Variants in NAV2 observed in about 807,000 individuals in gnomAD.
NAV2 encodes helicase, APC down-regulated 1.
In NAV2, 54 loss-of-function variants were observed where a neutral mutation model predicts 223.2. The ratio of observed to expected loss-of-function variants is 0.24; its 90% CI spans 0.19 to 0.30. The LOEUF is 0.30. Among genes scored for constraint, NAV2 ranks in the 10% least tolerant of loss-of-function variants. The pLI, the probability that NAV2 is intolerant of heterozygous loss-of-function variation, is 1.00. For synonymous variants in NAV2, 1,279 were observed against 1,239.3 expected, an observed-to-expected ratio of 1.03 and a Z score of -0.67; for missense variants, 2,806 against 3,147.5, an observed-to-expected ratio of 0.89 and a Z score of 2.60.
intron 1 of NAV2, among the ~76,000 whole-genome samples, chr11:19,626,618 T>C (rs541034735): frequency 8.9e-4 from 135 of 152,250 alleles, no homozygotes; most frequent in African/African-American, 3.2e-3. Flanking sequence ...CTGCTTTGGG[T>C]AGTATTGTCA....
intron 1 of NAV2, among the ~76,000 whole-genome samples, chr11:19,565,296 G>A (rs1487196): frequency 0.065 from 9,820 of 152,154 alleles, 643 homozygotes; most frequent in African/African-American, 0.16. Context: ...TTCCTACTCC[G>A]CACTGCCTCG....
chr11:19,860,127 G>A (rs1417591069), intron 3 of NAV2, among the ~76,000 whole-genome samples: 3 of 134,120 alleles, frequency 2.2e-5, no homozygotes, highest in South Asian at 2.5e-4. Context: ...CCGGGCAGAG[G>A]CGCCCCTCAC....
intron 1 of NAV2, among the ~76,000 whole-genome samples, chr11:19,779,718 T>C (rs548430912): frequency 6.6e-6 from 1 of 152,332 alleles, no homozygotes; most frequent in Admixed American, 6.5e-5. Flanking sequence ...AGCATGTTTG[T>C]CTGTTAAATG....
intron 32 of NAV2, 31 bp from the exon 33 acceptor site, chr11:20,103,224 T>C: frequency 6.3e-7 from 1 of 1,593,742 alleles, no homozygotes; most frequent in South Asian, 1.2e-5. Flanking sequence ...TTCACCCACT[T>C]GTTCTCCTTC....
Position 19,939,578 on chromosome 11 carries a change from G to A in NAV2, c.2034-83G>A. Reference sequence around the variant, plus strand: ...GCTTCTTGCTACAGGAGGTGATGGTGAGGGCTGTGGTTAGACCACAGTGGT... The same window carrying A: ...GCTTCTTGCTACAGGAGGTGATGGTAAGGGCTGTGGTTAGACCACAGTGGT... On this transcript the variant is annotated intron_variant, in intron 7 of 37. Transcript: ENST00000349880. The A allele has an allele frequency of 3.1e-6, 3 of 975,534 alleles. No individual in the cohort carries two copies. In the South Asian group the frequency reaches 4.4e-5, roughly 14 times the overall value. 60.4% of individuals were successfully genotyped at this position (975,534 alleles called of 1,614,324 possible).
At chr11:19,421,724 C>T (rs1040194812) in intron 1 of NAV2, among the ~76,000 whole-genome samples, 1 of 141,122 alleles carries the variant, frequency 7.1e-6, no homozygotes, top group East Asian at 2.2e-4. Context: ...ATTCCTAACA[C>T]TGATGACTTG....
intron 6 of NAV2, among the ~76,000 whole-genome samples, chr11:19,917,244 A>G (rs1183242983): frequency 6.6e-6 from 1 of 152,198 alleles, no homozygotes; most frequent in Non-Finnish European, 1.5e-5. Flanking sequence ...CTCCACTCCC[A>G]CATTCTGAAC....
intron 1 of NAV2, among the ~76,000 whole-genome samples, chr11:19,748,166 A>T (rs11025237): frequency 6.6e-6 from 1 of 152,012 alleles, no homozygotes; most frequent in Admixed American, 6.5e-5. Context: ...AGCAAGTCAC[A>T]GTCAATTCTC....
intron 1 of NAV2, among the ~76,000 whole-genome samples, chr11:19,543,033 G>C (rs1296156527): frequency 1.3e-5 from 2 of 152,224 alleles, no homozygotes; most frequent in African/African-American, 2.4e-5. Context: ...TGCCTGATTA[G>C]AGAAAGTTTA....
chr11:19,744,926 A>G (rs937336566), intron 1 of NAV2, among the ~76,000 whole-genome samples: 2 of 152,204 alleles, frequency 1.3e-5, no homozygotes, highest in African/African-American at 4.8e-5. Context: ...CGTCATGAAC[A>G]ATGTGCTGAT....
rs1185578228 is a variant in NAV2, at chr11:19,879,029, C to T, written c.512-840C>T. On this transcript the variant is annotated intron_variant, in intron 4 of 37. Coordinates refer to ENST00000349880, the MANE Select transcript of NAV2 (RefSeq NM_145117.5). ...TTCCCTTTCCTCTGTCCCTCACGCT[C>T]AGTAGCCCCAGAACTTCACTCTCAG... 1.2e-4 allele frequency among the ~76,000 whole-genome samples: 19 copies of T among 152,162 alleles called. 1 individual carries two copies. The highest frequency in any genetic ancestry group is 1.2e-3 in the Admixed American group (19 of 15,274).
rs574532768 is a variant in NAV2 at position 19,950,894 on chromosome 11, A to G, written c.2645+1814A>G. Among the ~76,000 whole-genome samples, 115 of 152,108 alleles carry G rather than the reference A, an allele frequency of 7.6e-4. 1 individual carries two copies. The highest frequency in any genetic ancestry group is 1.2e-3 in the Non-Finnish European group (85 of 68,036). ...CAGCTGTGTAGAAATATGATTGGGCAAAAAAGGTATGATCTAATGCTAGCA... is the reference window on the plus strand; with the variant it reads ...CAGCTGTGTAGAAATATGATTGGGCGAAAAAGGTATGATCTAATGCTAGCA... On this transcript the variant is annotated intron_variant, in intron 10 of 37. Transcript: ENST00000349880.
chr11:20,118,192 C>G lies in NAV2; in HGVS notation c.7224C>G (p.Asp2408Glu), dbSNP rs2063292346. 1 of 1,614,078 alleles carries G rather than the reference C, an allele frequency of 6.2e-7. No individual in the cohort carries two copies. Among genetic ancestry groups the G allele is most frequent in the East Asian group, 2.2e-5 (1 of 44,876 alleles). The change falls in exon 38 of 38, where the codon GAC becomes GAG. Residue 2408 changes from aspartate to glutamate, a missense_variant. By Grantham distance (45) the Asp-to-Glu change is conservative (BLOSUM62 2). Transcript: ENST00000349880. ...AANYSSPQSY[D>E]SDSNSNSHHD... is the part of the protein sequence containing the mutation. ...ACTACTCCAGCCCCCAGAGCTATGACAGCGACTCCAACAGCAACAGCCATC... is the reference window on the plus strand; with the variant it reads ...ACTACTCCAGCCCCCAGAGCTATGAGAGCGACTCCAACAGCAACAGCCATC...
At chr11:19,627,185 C>T (rs1190712902) in intron 1 of NAV2, among the ~76,000 whole-genome samples, 2 of 152,052 alleles carry the variant, frequency 1.3e-5, no homozygotes, top group African/African-American at 4.8e-5. Flanking sequence ...GTCAGGAGTT[C>T]GAGACCAGCC....
chr11:19,755,111 G>A (rs2054131325), intron 1 of NAV2, among the ~76,000 whole-genome samples: 1 of 152,192 alleles, frequency 6.6e-6, no homozygotes, highest in Non-Finnish European at 1.5e-5. Context: ...TGATTTAGCT[G>A]TACTTTCCAA....
intron 10 of NAV2, among the ~76,000 whole-genome samples, chr11:19,966,224 G>A (rs2048758855): frequency 1.3e-5 from 2 of 152,234 alleles, no homozygotes; most frequent in African/African-American, 2.4e-5. Flanking sequence ...CACCTTGCAT[G>A]TGGGATCCAG....
chr11:19,371,799 T>A (rs1327271251), intron 1 of NAV2, among the ~76,000 whole-genome samples: 1 of 135,950 alleles, frequency 7.4e-6, no homozygotes, highest in East Asian at 2.3e-4. Flanking sequence ...TGAGATGGAG[T>A]CTCACTCTGT....
intron 36 of NAV2, among the ~76,000 whole-genome samples, chr11:20,108,492 G>T (rs1336746776): frequency 6.6e-6 from 1 of 152,014 alleles, no homozygotes; most frequent in African/African-American, 2.4e-5. Flanking sequence ...ACCCAGACTG[G>T]AGTACAGTGG....
intron 29 of NAV2, among the ~76,000 whole-genome samples, chr11:20,093,410 G>A (rs529204686): frequency 4.6e-5 from 7 of 152,134 alleles, no homozygotes; most frequent in Non-Finnish European, 1.0e-4. Context: ...GTGCTTGAAA[G>A]TCTAATAAAG....
Sources: gnomAD v4.1 joint callset for allele counts (sites outside exome capture counted in the v4.1 genomes callset) on GRCh38, gnomAD v4.1.1 for gene constraint, MANE v1.5 for transcripts, NCBI Gene and HGNC (gene_info 2026-07-23, HGNC 2026-07-21) for gene names.